The following B4GALNT3 variants were observed in gnomAD, a reference collection of about 807,000 sequenced individuals.
B4GALNT3 encodes the protein beta-1,4-N-acetylgalactosaminyltransferase 3.
In B4GALNT3, 86 loss-of-function variants were observed where a neutral mutation model predicts 120.2. That is an observed-to-expected ratio of 0.72 (90% CI 0.60 to 0.86). The LOEUF is 0.86. B4GALNT3 is among the 40% of genes least tolerant of loss of function. The pLI, the probability that B4GALNT3 is intolerant of heterozygous loss-of-function variation, is 0.00. For missense variants in B4GALNT3, 1,167 were observed against 1,298.9 expected (o/e 0.90, Z 1.56); for synonymous variants, 518 against 510.4 (o/e 1.01, Z -0.20).
intron 1 of B4GALNT3, among the ~76,000 whole-genome samples, chr12:521,802 C>G (rs974151419): frequency 3.2e-4 from 49 of 152,188 alleles, no homozygotes; most frequent in African/African-American, 1.2e-3. Flanking sequence ...AGGCAACCAA[C>G]AGTTCGCAGA....
rs1947072103 is a variant in B4GALNT3, at chr12:550,770, GGGCAGCCTCCAGCT to G, written c.998-142_998-129del. 7.8e-5 allele frequency: 49 copies of G among 631,650 alleles called. No individual in the cohort carries two copies. In the South Asian group the frequency reaches 9.3e-4, roughly 12 times the overall value. 39.1% of individuals were successfully genotyped at this position (631,650 alleles called of 1,614,324 possible). On this transcript the variant is annotated intron_variant, in intron 10 of 19. Transcript: ENST00000266383. This position sits in a 1 kb window ranked among gnomAD's most constrained non-coding sequence, Gnocchi z 4.1. ...CAAATGGCCCTGCTCCAGGTGCGTG[GGGCAGCCTCCAGCT>G]GGCAGCCTCAGCCACAGACGTCGGC...
chr12:499,563 G>A (rs541184109), intron 1 of B4GALNT3, among the ~76,000 whole-genome samples: 11 of 131,766 alleles, frequency 8.3e-5, no homozygotes, highest in South Asian at 2.3e-4. Context: ...CTCCTAGCCC[G>A]TGGAGCCCGT....
intron 1 of B4GALNT3, among the ~76,000 whole-genome samples, chr12:485,983 A>G (rs1235510548): frequency 6.6e-6 from 1 of 152,174 alleles, no homozygotes; most frequent in African/African-American, 2.4e-5. Context: ...TGCAGAAACC[A>G]GTGTCTAGGC....
chr12:485,930 G>T (rs1946286398), intron 1 of B4GALNT3, among the ~76,000 whole-genome samples: 2 of 152,252 alleles, frequency 1.3e-5, no homozygotes, highest in South Asian at 4.2e-4. Flanking sequence ...CAGATGCAGA[G>T]AATCACAACT....
At position 561,564 on chromosome 12, in the gene B4GALNT3, C is replaced by T. The variant is rs1265041258; in HGVS notation, c.*113C>T. 4 of 834,530 alleles carry T rather than the reference C, an allele frequency of 4.8e-6. No individual in the cohort carries two copies. The highest frequency in any genetic ancestry group is 7.4e-6 in the Non-Finnish European group (4 of 538,760). 51.7% of individuals were successfully genotyped at this position (834,530 alleles called of 1,614,324 possible). A position where few individuals can be genotyped will look rare whatever the true frequency, so the allele number is the denominator to read the frequency against. On this transcript the variant is annotated 3_prime_UTR_variant, in exon 20 of 20. Transcript: ENST00000266383. ...GGGGTGACGGCTGGACCCCAAGAGGCCTCGAAGCTGACGGCCCACTCCACC... is the reference window on the plus strand; with the variant it reads ...GGGGTGACGGCTGGACCCCAAGAGGTCTCGAAGCTGACGGCCCACTCCACC...
chr12:495,618 G>C (rs957294969), intron 1 of B4GALNT3, among the ~76,000 whole-genome samples: 1 of 152,146 alleles, frequency 6.6e-6, no homozygotes, highest in African/African-American at 2.4e-5. Flanking sequence ...CCCTTCTTAG[G>C]GGGTGAATGC....
Position 553,688 on chromosome 12 carries a change from G to T in B4GALNT3, c.1765G>T (p.Gly589Trp). 2 of 1,614,132 alleles carry T rather than the reference G, an allele frequency of 1.2e-6. No individual in the cohort carries two copies. Among genetic ancestry groups the T allele is most frequent in the Non-Finnish European group, 1.7e-6 (2 of 1,179,988 alleles). The change falls in exon 14 of 20, where the codon GGG becomes TGG. Residue 589 changes from glycine to tryptophan, a missense_variant. This residue lies in a region of B4GALNT3 where 983 missense variants were observed against 1,102.5 expected (regional missense o/e 0.89). Coordinates refer to ENST00000266383, the MANE Select transcript of B4GALNT3 (RefSeq NM_173593.4). ...TCAGGCCCCTGGAAGGGGCTGGCAT[G>T]GGGAGGAGGAAGTGGTGGCGGCCGC... is the stretch of plus-strand genomic sequence containing the variant. ...RPQAPGRGWH[G>W]EEEVVAAAGQ...
At chr12:482,994 A>AC (rs565550307) in intron 1 of B4GALNT3, among the ~76,000 whole-genome samples, 3 of 151,792 alleles carry the variant, frequency 2.0e-5, no homozygotes, top group African/African-American at 7.3e-5. Flanking sequence ...TGCAGCCTTA[A>AC]CCCCCTGGGT....
At chr12:480,872 C>T (rs573998767) in intron 1 of B4GALNT3, among the ~76,000 whole-genome samples, 1 of 152,330 alleles carries the variant, frequency 6.6e-6, no homozygotes, top group South Asian at 2.1e-4. Context: ...CCGTGGTCAT[C>T]TTTGTCACAG....
intron 1 of B4GALNT3, among the ~76,000 whole-genome samples, chr12:531,057 G>A (rs1946801826): frequency 6.6e-6 from 1 of 152,222 alleles, no homozygotes; most frequent in Admixed American, 6.5e-5. Context: ...CAGAGGGTAA[G>A]CGACAAATGT....
rs11063539 is a variant in B4GALNT3, at chr12:548,948, A to G, written c.853+651A>G. On this transcript the variant is annotated intron_variant, in intron 9 of 19. Coordinates refer to ENST00000266383, the MANE Select transcript of B4GALNT3 (RefSeq NM_173593.4). The surrounding 1 kb of genome is among the most constrained non-coding windows in gnomAD (Gnocchi z 4.9). ...CAAAAAAACCCTCTGAGCGAGTCCA[A>G]TCCCCTATTTTCCAGATGAGGTAAC... 0.21 allele frequency among the ~76,000 whole-genome samples: 31,164 copies of G among 152,018 alleles called. 3,354 individuals carry two copies. Among genetic ancestry groups the G allele is most frequent in the Non-Finnish European group, 0.24 (16,168 of 67,962 alleles).
intron 1 of B4GALNT3, among the ~76,000 whole-genome samples, chr12:476,644 A>G (rs554957017): frequency 6.6e-6 from 1 of 152,322 alleles, no homozygotes; most frequent in African/African-American, 2.4e-5. Flanking sequence ...AGCGCCTAGT[A>G]TGTGCCCAGA....
At chr12:464,145 G>A (rs1003193279) in intron 1 of B4GALNT3, among the ~76,000 whole-genome samples, 15 of 152,206 alleles carry the variant, frequency 9.9e-5, no homozygotes. Context: ...GGCAGCCACT[G>A]TACTAACACA....
intron 1 of B4GALNT3, among the ~76,000 whole-genome samples, chr12:524,194 C>T (rs973835410): frequency 6.6e-6 from 1 of 152,176 alleles, no homozygotes; most frequent in Non-Finnish European, 1.5e-5. Context: ...TCATGGGGAG[C>T]AGGAAAGCAG....
At chr12:526,667 G>A (rs1356748096) in intron 1 of B4GALNT3, among the ~76,000 whole-genome samples, 3 of 151,710 alleles carry the variant, frequency 2.0e-5, no homozygotes, top group Admixed American at 6.6e-5. Flanking sequence ...AAATGTTATA[G>A]GTGTTTGTTT....
chr12:506,900 T>C (rs1012745155), intron 1 of B4GALNT3, among the ~76,000 whole-genome samples: 93 of 152,380 alleles, frequency 6.1e-4, no homozygotes, highest in African/African-American at 2.2e-3. Flanking sequence ...CCTCCCGAAG[T>C]GCTGGGATTA....
intron 1 of B4GALNT3, among the ~76,000 whole-genome samples, chr12:466,113 T>C (rs1201521511): frequency 2.0e-5 from 3 of 151,846 alleles, no homozygotes; most frequent in Middle Eastern, 3.4e-3. Flanking sequence ...TTGATGGTGC[T>C]GGGGCTGCCT....
chr12:475,277 T>G (rs1321781859), intron 1 of B4GALNT3, among the ~76,000 whole-genome samples: 2 of 152,214 alleles, frequency 1.3e-5, no homozygotes, highest in Non-Finnish European at 2.9e-5. Flanking sequence ...AGTTAAGAAC[T>G]CTGCCTGAAG....
intron 1 of B4GALNT3, among the ~76,000 whole-genome samples, chr12:530,644 CTTTCTG>C (rs530906913): frequency 2.9e-4 from 44 of 152,292 alleles, no homozygotes; most frequent in African/African-American, 1.1e-3. Context: ...ATGACTTTGC[CTTTCTG>C]TTTCTGTTTC....
Sources: gnomAD v4.1 joint callset for allele counts (sites outside exome capture counted in the v4.1 genomes callset) on GRCh38, gnomAD v4.1.1 for gene constraint, gnomAD v4.1.1 regional missense constraint, Gnocchi (gnomAD v3.1) non-coding constraint, MANE v1.5 for transcripts, NCBI Gene and HGNC (gene_info 2026-07-23, HGNC 2026-07-21) for gene names.